Variants in RBFOX1 observed in about 807,000 individuals in gnomAD.
RBFOX1 encodes the protein RNA binding protein fox-1 homolog 1.
A neutral mutation model predicts 57.7 loss-of-function variants in RBFOX1; 8 were observed. The observed-to-expected ratio is 0.14, with a 90% CI of 0.08 to 0.25. RBFOX1 has a LOEUF of 0.25. RBFOX1 is among the 10% of genes least tolerant of loss of function. RBFOX1 has a pLI of 1.00. For missense variants in RBFOX1, 611 were observed against 548.5 expected (o/e 1.11, Z -1.14); for synonymous variants, 326 against 222.4 (o/e 1.47, Z -4.15).
intron 3 of RBFOX1, among the ~76,000 whole-genome samples, chr16:5,688,739 T>G (rs539792755): frequency 7.2e-5 from 11 of 152,268 alleles, no homozygotes; most frequent in African/African-American, 2.6e-4. Flanking sequence ...TAAAATAAGC[T>G]CAGACAAAAA....
At chr16:5,859,147 G>C (rs1404265092) in intron 3 of RBFOX1, among the ~76,000 whole-genome samples, 1 of 152,196 alleles carries the variant, frequency 6.6e-6, no homozygotes, top group African/African-American at 2.4e-5. Flanking sequence ...GGAGGTTACA[G>C]TGAGCCGAGA....
At chr16:6,129,076 G>T (rs73527962) in intron 1 of RBFOX1, among the ~76,000 whole-genome samples, 1 of 131,362 alleles carries the variant, frequency 7.6e-6, no homozygotes, top group Non-Finnish European at 1.8e-5. Context: ...GCACAATCTG[G>T]ATTTCTATAA....
intron 1 of RBFOX1, among the ~76,000 whole-genome samples, chr16:6,183,634 G>A (rs112826407): frequency 0.019 from 2,867 of 152,154 alleles, 85 homozygotes; most frequent in African/African-American, 0.065. Flanking sequence ...AAACATGGAG[G>A]TGGTGAGGAA....
chr16:7,689,130 T>C (rs1402540055), intron 14 of RBFOX1, among the ~76,000 whole-genome samples: 1 of 152,146 alleles, frequency 6.6e-6, no homozygotes, highest in Non-Finnish European at 1.5e-5. Flanking sequence ...TACATAGGTA[T>C]GACACTTGGC....
intron 3 of RBFOX1, among the ~76,000 whole-genome samples, chr16:6,825,196 T>C (rs1270852766): frequency 6.7e-6 from 1 of 150,102 alleles, no homozygotes; most frequent in Non-Finnish European, 1.5e-5. Flanking sequence ...GTGGGGGGGC[T>C]GACGTGTTTT....
At chr16:6,039,914 C>T (rs1424746833) in intron 1 of RBFOX1, among the ~76,000 whole-genome samples, 1 of 152,196 alleles carries the variant, frequency 6.6e-6, no homozygotes. Context: ...GGCCTGAGCC[C>T]TTCAGTGGTT....
At chr16:7,559,323 C>G (rs544961922) in intron 5 of RBFOX1, among the ~76,000 whole-genome samples, 2 of 152,170 alleles carry the variant, frequency 1.3e-5, no homozygotes, top group Non-Finnish European at 2.9e-5. Context: ...CTCAGTCTCT[C>G]TCTTTCTCAC....
chr16:6,991,717 G>C (rs1290270325), intron 3 of RBFOX1, among the ~76,000 whole-genome samples: 3 of 152,096 alleles, frequency 2.0e-5, no homozygotes, highest in African/African-American at 4.8e-5. Flanking sequence ...TTGTAGTTTT[G>C]GTAGAGGTGG....
At chr16:7,114,815 A>G (rs890104237) in intron 4 of RBFOX1, among the ~76,000 whole-genome samples, 1 of 152,142 alleles carries the variant, frequency 6.6e-6, no homozygotes, top group East Asian at 1.9e-4. Flanking sequence ...TAGGTGTGAT[A>G]GCTGTAGTGG....
intron 11 of RBFOX1, among the ~76,000 whole-genome samples, chr16:7,648,131 G>A (rs748514350): frequency 1.3e-5 from 2 of 152,154 alleles, no homozygotes; most frequent in Non-Finnish European, 2.9e-5. Flanking sequence ...GTGCATGTGT[G>A]TATTTTGCCC....
chr16:7,466,959 G>T, intron 4 of RBFOX1, among the ~76,000 whole-genome samples: 1 of 152,258 alleles, frequency 6.6e-6, no homozygotes, highest in East Asian at 1.9e-4. Context: ...TATTTACAGA[G>T]CACCCACTCT....
chr16:7,192,142 G>A (rs2085547750), intron 4 of RBFOX1, among the ~76,000 whole-genome samples: 1 of 152,170 alleles, frequency 6.6e-6, no homozygotes. Flanking sequence ...GGGGGAAGGG[G>A]GTAGGTAGTA....
chr16:6,812,454 A>T (rs1026981694), intron 3 of RBFOX1, among the ~76,000 whole-genome samples: 1 of 151,908 alleles, frequency 6.6e-6, no homozygotes, highest in Admixed American at 6.6e-5. Context: ...GCTCATTGCA[A>T]CCTCCACCTC....
At chr16:5,299,985 T>G (rs1345738505) in intron 1 of RBFOX1, among the ~76,000 whole-genome samples, 1 of 152,072 alleles carries the variant, frequency 6.6e-6, no homozygotes, top group Admixed American at 6.6e-5. Flanking sequence ...TTCCTGAGGG[T>G]TTTTTATAAA....
At chr16:5,329,536 G>T (rs1372959518) in intron 1 of RBFOX1, among the ~76,000 whole-genome samples, 1 of 152,076 alleles carries the variant, frequency 6.6e-6, no homozygotes, top group Admixed American at 6.5e-5. Context: ...ATTTGGGTGG[G>T]GACACAGACC....
rs527422779 is a variant in RBFOX1 at position 6,716,587 on chromosome 16, T to G, written c.-16+61937T>G. 2.0e-5 allele frequency among the ~76,000 whole-genome samples: 3 copies of G among 152,362 alleles called. No homozygotes were observed. The Middle Eastern group carries it at 0.01, about 518-fold the overall frequency. The stretch of plus-strand genomic sequence containing the variant: ...GGAATGGAACTTGTCTCAGAATCTT[T>G]CAGGCGATTGCCTGAGTCCTTCTTA... On this transcript the variant is annotated intron_variant, in intron 3 of 15. Transcript: ENST00000550418.
At chr16:5,780,607 C>T (rs7187204) in intron 3 of RBFOX1, among the ~76,000 whole-genome samples, 46,184 of 151,656 alleles carry the variant, frequency 0.3, 7,410 homozygotes, top group East Asian at 0.55. Context: ...GTTGAATTTC[C>T]TGGGGAGACA....
intron 3 of RBFOX1, among the ~76,000 whole-genome samples, chr16:6,921,285 C>T (rs1044282288): frequency 3.9e-5 from 6 of 152,208 alleles, no homozygotes; most frequent in Admixed American, 6.5e-5. Flanking sequence ...AATTTTGATA[C>T]AATTTAGCTG....
intron 1 of RBFOX1, among the ~76,000 whole-genome samples, chr16:6,196,754 G>A (rs2097182505): frequency 6.6e-6 from 1 of 151,496 alleles, no homozygotes; most frequent in Non-Finnish European, 1.5e-5. Flanking sequence ...ATATAAATGG[G>A]GCTATGCAAT....
Sources: gnomAD v4.1 joint callset for allele counts (sites outside exome capture counted in the v4.1 genomes callset) on GRCh38, gnomAD v4.1.1 for gene constraint, MANE v1.5 for transcripts, NCBI Gene and HGNC (gene_info 2026-07-23, HGNC 2026-07-21) for gene names.